The following EPHA5 variants were observed in gnomAD, a reference collection of about 807,000 sequenced individuals.
EPHA5 encodes ephrin type-A receptor 5.
EPHA5 carries 60 observed loss-of-function variants against 105.0 expected under a neutral mutation model. The ratio of observed to expected loss-of-function variants is 0.57; its 90% CI spans 0.46 to 0.71. EPHA5 has a LOEUF of 0.71. Among genes scored for constraint, EPHA5 ranks in the 30% least tolerant of loss-of-function variants. The pLI is 0.00. For synonymous variants in EPHA5, 513 were observed against 449.1 expected, an observed-to-expected ratio of 1.14 and a Z score of -1.80; for missense variants, 1,218 against 1,274.7, an observed-to-expected ratio of 0.96 and a Z score of 0.68.
intron 5 of EPHA5, among the ~76,000 whole-genome samples, chr4:65,483,786 T>C (rs1730612069): frequency 6.6e-6 from 1 of 152,202 alleles, no homozygotes; most frequent in Admixed American, 6.5e-5. Flanking sequence ...AGAGTTACAC[T>C]GTAAGTGTAT....
At chr4:65,485,356 T>C (rs1018367219) in intron 5 of EPHA5, among the ~76,000 whole-genome samples, 1 of 152,094 alleles carries the variant, frequency 6.6e-6, no homozygotes, top group Non-Finnish European at 1.5e-5. Context: ...CATTTGCTTA[T>C]TTTTCTTGAC....
chr4:65,580,459 A>T (rs1259698038), intron 3 of EPHA5, among the ~76,000 whole-genome samples: 1 of 151,886 alleles, frequency 6.6e-6, no homozygotes, highest in Non-Finnish European at 1.5e-5. Flanking sequence ...TCCAATGATG[A>T]TCTTCAGTGA....
chr4:65,477,278 T>C (rs1272848967), intron 5 of EPHA5, among the ~76,000 whole-genome samples: 1 of 152,160 alleles, frequency 6.6e-6, no homozygotes, highest in African/African-American at 2.4e-5. Flanking sequence ...GTAGAGAAAA[T>C]AGCATGTGCA....
intron 1 of EPHA5, among the ~76,000 whole-genome samples, chr4:65,650,569 A>AAAAAAAAAAAAAAAAAAAAAAAAAAAAC (rs1748522993): frequency 6.6e-6 from 1 of 151,026 alleles, no homozygotes; most frequent in African/African-American, 2.4e-5. Context: ...CAAAAAAAAA[A>AAAAAAAAAAAAAAAAAAAAAAAAAAAAC]AAAGAGCTAG....
At chr4:65,558,663 A>T (rs986597149) in intron 3 of EPHA5, among the ~76,000 whole-genome samples, 2 of 152,078 alleles carry the variant, frequency 1.3e-5, no homozygotes, top group Non-Finnish European at 2.9e-5. Context: ...ATTTAACATT[A>T]GGTATATCTC....
intron 1 of EPHA5, among the ~76,000 whole-genome samples, chr4:65,657,708 T>C (rs866319611): frequency 6.6e-6 from 1 of 152,074 alleles, no homozygotes; most frequent in Non-Finnish European, 1.5e-5. Context: ...GAGGTAAGAC[T>C]TGGTGTACTT....
At chr4:65,634,199 G>A (rs1348379294) in intron 2 of EPHA5, among the ~76,000 whole-genome samples, 3 of 152,022 alleles carry the variant, frequency 2.0e-5, no homozygotes, top group Non-Finnish European at 4.4e-5. Context: ...CTATTAATTA[G>A]GAAAAGTGTT....
intron 8 of EPHA5, among the ~76,000 whole-genome samples, chr4:65,368,270 T>C (rs953268170): frequency 6.6e-6 from 1 of 152,104 alleles, no homozygotes; most frequent in Non-Finnish European, 1.5e-5. Flanking sequence ...AATACTTCTA[T>C]CTCACTGGTT....
intron 4 of EPHA5, among the ~76,000 whole-genome samples, chr4:65,492,301 A>G (rs1165830668): frequency 1.3e-5 from 2 of 151,978 alleles, no homozygotes; most frequent in Non-Finnish European, 1.5e-5. Flanking sequence ...TCCCAGGTTC[A>G]AATGACTCTC....
chr4:65,643,277 T>C lies in EPHA5; in HGVS notation c.246+86A>G, dbSNP rs1747825390. On this transcript the variant is annotated intron_variant, in intron 2 of 16. Coordinates refer to ENST00000613740, the MANE Select transcript of EPHA5 (RefSeq NM_001281766.3). ...ACCTCCTGTCTTAACAACATATACA[T>C]CCAGTACATATTCATTCCTGTGTTA... The C allele has an allele frequency of 3.7e-6, 4 of 1,068,342 alleles. No individual in the cohort carries two copies. The African/African-American group carries it at 4.7e-5, about 13-fold the overall frequency. The allele number at this position is 1,068,342 out of a possible 1,614,324, so 66.2% of individuals were successfully genotyped here. A position where few individuals can be genotyped will look rare whatever the true frequency, so the allele number is the denominator to read the frequency against.
chr4:65,642,796 G>A (rs1747778145), intron 2 of EPHA5, among the ~76,000 whole-genome samples: 1 of 151,900 alleles, frequency 6.6e-6, no homozygotes, highest in South Asian at 2.1e-4. Context: ...AAATATAAGT[G>A]TGCACAATTT....
chr4:65,573,341 G>A (rs1578458947), intron 3 of EPHA5: 1 of 593,300 alleles, frequency 1.7e-6, no homozygotes, highest in South Asian at 2.5e-5. Context: ...AACCCGGGAG[G>A]CAGAGCTTGC....
At chr4:65,503,307 CAG>C (rs1319976058) in intron 3 of EPHA5, among the ~76,000 whole-genome samples, 2 of 151,674 alleles carry the variant, frequency 1.3e-5, no homozygotes, top group Non-Finnish European at 3.0e-5. Context: ...AATGTCTTCT[CAG>C]TATGAAAGTT....
At chr4:65,495,691 A>C in intron 3 of EPHA5, 148 bp from the exon 4 acceptor site, 1 of 583,480 alleles carries the variant, frequency 1.7e-6, no homozygotes, top group South Asian at 2.9e-5. Context: ...AAGCTTCTGG[A>C]TCATAAATAC....
intron 8 of EPHA5, among the ~76,000 whole-genome samples, chr4:65,369,264 T>C (rs941718693): frequency 1.3e-5 from 2 of 152,186 alleles, no homozygotes; most frequent in Non-Finnish European, 2.9e-5. Context: ...GAACACTGAA[T>C]TGATGATTAA....
chr4:65,576,061 A>G (rs202219379), intron 3 of EPHA5, among the ~76,000 whole-genome samples: 9 of 59,042 alleles, frequency 1.5e-4, no homozygotes, highest in African/African-American at 4.2e-4. Flanking sequence ...AAAGAAAGAA[A>G]AGAAAAGAAA....
chr4:65,642,295 G>A (rs1026123871), intron 2 of EPHA5, among the ~76,000 whole-genome samples: 2 of 152,052 alleles, frequency 1.3e-5, no homozygotes, highest in Non-Finnish European at 2.9e-5. Flanking sequence ...TGTATGGAGC[G>A]ATGATAGATG....
intron 5 of EPHA5, among the ~76,000 whole-genome samples, chr4:65,470,551 C>A (rs1729187903): frequency 6.6e-6 from 1 of 152,030 alleles, no homozygotes; most frequent in Non-Finnish European, 1.5e-5. Context: ...TTGTAATAAC[C>A]ATGTACATGA....
intron 3 of EPHA5, among the ~76,000 whole-genome samples, chr4:65,524,668 G>A (rs1195795673): frequency 6.6e-6 from 1 of 151,790 alleles, no homozygotes. Context: ...ATTTGCAAGT[G>A]CATACATAGC....
Sources: gnomAD v4.1 joint callset for allele counts (sites outside exome capture counted in the v4.1 genomes callset) on GRCh38, gnomAD v4.1.1 for gene constraint, MANE v1.5 for transcripts, NCBI Gene and HGNC (gene_info 2026-07-23, HGNC 2026-07-21) for gene names.